The following PKD2L1 variants were observed in gnomAD, a reference collection of about 807,000 sequenced individuals.
PKD2L1 encodes polycystin 2 like 1, transient receptor potential cation channel.
Under a neutral mutation model 93.0 loss-of-function variants are expected in PKD2L1, and 77 were observed. The ratio of observed to expected loss-of-function variants is 0.83; its 90% confidence interval spans 0.69 to 1.00. The LOEUF is 1.00. PKD2L1 is among the 50% of genes least tolerant of loss of function. The pLI is 0.00. For synonymous variants in PKD2L1, 390 were observed against 388.0 expected, an observed-to-expected ratio of 1.01 and a Z score of -0.06; for missense variants, 977 against 990.9, an observed-to-expected ratio of 0.99 and a Z score of 0.19.
intron 9 of PKD2L1, 121 bp downstream of exon 9, chr10:100,294,414 C>G (rs571018914): frequency 9.7e-6 from 10 of 1,033,610 alleles, no homozygotes; most frequent in South Asian, 2.8e-5. Context: ...AGACATCGGC[C>G]CCCCCACTCA....
intron 2 of PKD2L1, among the ~76,000 whole-genome samples, chr10:100,325,887 T>C (rs1231261280): frequency 2.0e-5 from 3 of 152,148 alleles, no homozygotes; most frequent in African/African-American, 7.2e-5. Flanking sequence ...GGTATGATCA[T>C]TGTCCAAGGA....
At chr10:100,310,098 C>G (rs1396240259) in intron 2 of PKD2L1, among the ~76,000 whole-genome samples, 2 of 152,152 alleles carry the variant, frequency 1.3e-5, no homozygotes, top group African/African-American at 4.8e-5. Context: ...ATTTGGGAGG[C>G]CAAGGCGGGA....
intron 13 of PKD2L1, 27 bp downstream of exon 13, chr10:100,290,374 G>C (rs1411319106): frequency 6.7e-7 from 1 of 1,495,502 alleles, no homozygotes; most frequent in Non-Finnish European, 9.3e-7. Flanking sequence ...TGCCAGCCCT[G>C]AACCAGCCTT....
intron 2 of PKD2L1, among the ~76,000 whole-genome samples, chr10:100,306,855 C>CAAAAAAAAAAAAAAGA (rs1848812806): frequency 2.0e-5 from 1 of 49,890 alleles, no homozygotes; most frequent in African/African-American, 1.2e-4. Context: ...GAGACCCTGT[C>CAAAAAAAAAAAAAAGA]AAAAAAAAAA....
intron 2 of PKD2L1, among the ~76,000 whole-genome samples, chr10:100,320,617 T>C (rs961734685): frequency 6.6e-6 from 1 of 152,204 alleles, no homozygotes; most frequent in African/African-American, 2.4e-5. Flanking sequence ...ACATCTCTCA[T>C]GCAATTTACA....
At chr10:100,311,022 T>C (rs894712812) in intron 2 of PKD2L1, among the ~76,000 whole-genome samples, 2 of 152,204 alleles carry the variant, frequency 1.3e-5, no homozygotes, top group African/African-American at 4.8e-5. Context: ...TGAGCCACCG[T>C]GCCTGGCCAG....
chr10:100,289,758 T>A lies in PKD2L1; in HGVS notation c.2250+257A>T, dbSNP rs74154623. Among the ~76,000 whole-genome samples the A allele has an allele frequency of 4.7e-3, 721 of 152,182 alleles. 5 individuals carry two copies. Among genetic ancestry groups the A allele is most frequent in the African/African-American group, 0.016 (679 of 41,522 alleles). ...TGCTTATAAGCCACCCAGTCTATGA[T>A]AATTTATTATATCAGCCCAAACAGA... On this transcript the variant is annotated intron_variant, in intron 14 of 15. Coordinates refer to ENST00000318222, the MANE Select transcript of PKD2L1 (RefSeq NM_016112.3).
Position 100,294,524 on chromosome 10 carries a change from G to C in PKD2L1, c.1659+11C>G, listed in dbSNP as rs1298773357. 1 of 1,614,034 alleles carries C rather than the reference G, an allele frequency of 6.2e-7. No individual in the cohort carries two copies. The highest frequency in any genetic ancestry group is 8.5e-7 in the Non-Finnish European group (1 of 1,179,986). ...GCTCTCTATGTCCCCACCCCTCAGA[G>C]AGACCCTCACCAGGAGCACGAAGAA... On this transcript the variant is annotated intron_variant, in intron 9 of 15. Coordinates refer to ENST00000318222, the MANE Select transcript of PKD2L1 (RefSeq NM_016112.3).
rs751518450 is a variant in PKD2L1, at chr10:100,290,484, T to C, written c.2043A>G (p.Arg681=). 1.4e-5 allele frequency: 22 copies of C among 1,613,408 alleles called. 1 individual carries two copies. In the Admixed American group the frequency reaches 3.3e-4, roughly 24 times the overall value. ...TGCCTTGTGGGCTGCTCACAATAGA[T>C]CGGCCTAGTTTCTCAATCTCAGTGT... The part of the protein sequence containing the change: ...ALNTEIEKLG[R]SIVSSPQGKS... The change falls in exon 13 of 16, where the codon CGA becomes CGG. Residue 681 remains arginine (R), a synonymous_variant. Coordinates refer to ENST00000318222, the MANE Select transcript of PKD2L1 (RefSeq NM_016112.3).
intron 7 of PKD2L1, 32 bp downstream of exon 7, chr10:100,296,090 G>A: frequency 6.5e-7 from 1 of 1,546,154 alleles, no homozygotes; most frequent in Non-Finnish European, 8.8e-7. Context: ...AGTGCGCCTT[G>A]AAGCAAAGCT....
intron 1 of PKD2L1, 172 bp from the exon 2 acceptor site, chr10:100,329,496 C>T (rs1849456839): frequency 1.1e-6 from 1 of 884,832 alleles, no homozygotes; most frequent in African/African-American, 1.7e-5. Flanking sequence ...TTGCTCTTCC[C>T]ATCAGCTCCC....
intron 8 of PKD2L1, 24 bp downstream of exon 8, chr10:100,294,918 G>T: frequency 6.3e-7 from 1 of 1,596,906 alleles, no homozygotes; most frequent in South Asian, 1.1e-5. Context: ...GGCCAGGGAG[G>T]AGTGAAGGGG....
At chr10:100,329,773 C>G in intron 1 of PKD2L1, 96 bp downstream of exon 1, 1 of 838,566 alleles carries the variant, frequency 1.2e-6, no homozygotes, top group South Asian at 1.6e-5. Context: ...GTCACCTCTT[C>G]TTCAGATCAC....
At chr10:100,322,023 C>T (rs561981549) in intron 2 of PKD2L1, among the ~76,000 whole-genome samples, 13 of 151,712 alleles carry the variant, frequency 8.6e-5, no homozygotes, top group African/African-American at 2.7e-4. Context: ...CCCAGGAGTT[C>T]GAGACCAGAC....
intron 2 of PKD2L1, among the ~76,000 whole-genome samples, chr10:100,324,626 C>T (rs1849336595): frequency 6.6e-6 from 1 of 152,082 alleles, no homozygotes. Flanking sequence ...CTAGATAATA[C>T]AAAGATAACT....
chr10:100,321,321 G>C (rs540619526), intron 2 of PKD2L1, among the ~76,000 whole-genome samples: 1 of 151,976 alleles, frequency 6.6e-6, no homozygotes, highest in African/African-American at 2.4e-5. Context: ...TTAACCAGGC[G>C]TGGTGGCACA....
intron 2 of PKD2L1, among the ~76,000 whole-genome samples, chr10:100,312,639 C>G (rs1271772736): frequency 6.6e-6 from 1 of 152,138 alleles, no homozygotes; most frequent in Non-Finnish European, 1.5e-5. Flanking sequence ...GGCAATCAAA[C>G]AAGGAGGCTG....
rs549328366 is a variant in PKD2L1, at chr10:100,318,821, T to TTTTTC, written c.349+10385_349+10389dup. Among the ~76,000 whole-genome samples, 212 of 145,746 alleles carry TTTTTC rather than the reference T, an allele frequency of 1.5e-3. 1 individual carries two copies. Among genetic ancestry groups the TTTTTC allele is most frequent in the African/African-American group, 5.1e-3 (202 of 39,518 alleles). ...GGCGTGAGCCACCGCACCCAGCCTG[T>TTTTTC]TTTTCTTTTCTTTTTTTCTCTCTCT... On this transcript the variant is annotated intron_variant, in intron 2 of 15. Transcript: ENST00000318222.
At chr10:100,316,392 G>C (rs537375673) in intron 2 of PKD2L1, among the ~76,000 whole-genome samples, 5 of 152,136 alleles carry the variant, frequency 3.3e-5, no homozygotes, top group Non-Finnish European at 5.9e-5. Context: ...AGCTGGTCTC[G>C]AACTCCTGAC....
Sources: gnomAD v4.1 joint callset for allele counts (sites outside exome capture counted in the v4.1 genomes callset) on GRCh38, gnomAD v4.1.1 for gene constraint, MANE v1.5 for transcripts, NCBI Gene and HGNC (gene_info 2026-07-23, HGNC 2026-07-21) for gene names.